The following CMYA5 variants were observed in gnomAD, a reference collection of about 807,000 sequenced individuals.
The protein encoded by CMYA5 is cardiomyopathy associated 5.
In CMYA5, 246 loss-of-function variants were observed where a neutral mutation model predicts 318.9. The observed-to-expected ratio is 0.77, with a 90% CI of 0.70 to 0.86. CMYA5 has a LOEUF of 0.86. CMYA5 is among the 40% of genes least tolerant of loss of function. The pLI is 0.00. For synonymous variants in CMYA5, 1,641 were observed against 1,729.5 expected, an observed-to-expected ratio of 0.95 and a Z score of 1.27; for missense variants, 4,589 against 4,678.2, an observed-to-expected ratio of 0.98 and a Z score of 0.56.
At chr5:79,776,245 C>T (rs781344919) in intron 9 of CMYA5, among the ~76,000 whole-genome samples, 1 of 152,104 alleles carries the variant, frequency 6.6e-6, no homozygotes, top group Non-Finnish European at 1.5e-5. Context: ...AAGAGTGAGA[C>T]GCTTACCATC....
At chr5:79,706,682 T>C (rs1021224505) in intron 1 of CMYA5, among the ~76,000 whole-genome samples, 3 of 152,152 alleles carry the variant, frequency 2.0e-5, no homozygotes, top group African/African-American at 4.8e-5. Context: ...ATCTTGGTGA[T>C]GTGAAACCTC....
Position 79,793,572 on chromosome 5 carries a change from G to A in CMYA5, c.11925G>A (p.Gly3975=). The change falls in exon 12 of 13, where the codon GGG becomes GGA. Residue 3975 remains glycine, a synonymous_variant. Coordinates refer to ENST00000446378, the MANE Select transcript of CMYA5 (RefSeq NM_153610.5). ...SAVQAGALGQ[G]ETSWYMHCSE... ...TGCAGGCAGGTGCCCTAGGACAAGG[G>A]GAGACCTCATGGTACATGCACTGCT... 1 of 1,613,662 alleles carries A rather than the reference G, an allele frequency of 6.2e-7. No individual in the cohort carries two copies. The highest frequency in any genetic ancestry group is 1.1e-5 in the South Asian group (1 of 91,054).
In CMYA5 at chr5:79,713,277, TCCCCACCCCGCTGCACCCCGC is replaced by T. The variant is rs1276692405; in HGVS notation, c.150-15628_150-15608del. ...TAAACATTCTCAGCACACAGGACAGTCCCCACCCCGCTGCACCCCGCCCCCACCCCCCACCCGCCGTCACAA... is the reference window on the plus strand; with the variant it reads ...TAAACATTCTCAGCACACAGGACAGTCCCCACCCCCCACCCGCCGTCACAA... On this transcript the variant is annotated intron_variant, in intron 1 of 12. Coordinates refer to ENST00000446378, the MANE Select transcript of CMYA5 (RefSeq NM_153610.5). 6.2e-4 allele frequency among the ~76,000 whole-genome samples: 84 copies of T among 135,164 alleles called. 2 individuals carry two copies. The South Asian group carries it at 0.012, about 20-fold the overall frequency. The allele number at this position is 135,164 out of a possible 152,430, so 88.7% of individuals were successfully genotyped here.
chr5:79,751,322 T>C (rs1414741132), intron 5 of CMYA5, among the ~76,000 whole-genome samples: 1 of 152,214 alleles, frequency 6.6e-6, no homozygotes, highest in East Asian at 1.9e-4. Context: ...TCGAATGTGC[T>C]GTACTTGGCC....
At chr5:79,743,020 G>A (rs1459255514) in intron 2 of CMYA5, among the ~76,000 whole-genome samples, 4 of 152,104 alleles carry the variant, frequency 2.6e-5, no homozygotes, top group Admixed American at 6.5e-5. Context: ...GTGCAATGAC[G>A]AAGCCTGTGT....
At position 79,799,480 on chromosome 5, in the gene CMYA5, C is replaced by G. The variant is rs1294265046; in HGVS notation, c.12074C>G (p.Ala4025Gly). 1.2e-6 allele frequency: 2 copies of G among 1,613,908 alleles called. No homozygotes were observed. The highest frequency in any genetic ancestry group is 1.7e-6 in the Non-Finnish European group (2 of 1,179,912). ...YNNQRLIFIN[A>G]ESEQLLFIIR... is the part of the protein sequence containing the mutation. ...AACCAGAGACTTATCTTCATCAACG[C>G]AGAGAGCGAGCAGTTGCTCTTCATC... Residue 4025 changes from alanine (A) to glycine (G), a missense_variant, in exon 13 of 13, where the codon GCA becomes GGA. This residue lies in a region of CMYA5 where 2,431 missense variants were observed against 2,495.1 expected (regional missense o/e 0.97). Coordinates refer to ENST00000446378, the MANE Select transcript of CMYA5 (RefSeq NM_153610.5).
rs758387226 is a variant in CMYA5, at chr5:79,735,292, C to A, written c.6527C>A (p.Ser2176Ter). 3.1e-6 allele frequency: 5 copies of A among 1,613,840 alleles called. No individual in the cohort carries two copies. In the South Asian group the frequency reaches 4.4e-5, roughly 14 times the overall value. Reference protein sequence around the residue: ...LPEEKGKKGISSFKSWMSSLF... With the variant: ...LPEEKGKKGI ...GAGGAAAAGGGAAAGAAAGGAATTT[C>A]ATCTTTCAAATCGTGGATGTCCAGC... Residue 2176 changes from serine to a stop codon, truncating the protein, a stop_gained, in exon 2 of 13, where the codon TCA becomes TAA. Coordinates refer to ENST00000446378, the MANE Select transcript of CMYA5 (RefSeq NM_153610.5). LOFTEE classifies it high-confidence loss of function.
chr5:79,789,380 A>C (rs1829137151), intron 10 of CMYA5, among the ~76,000 whole-genome samples: 1 of 151,936 alleles, frequency 6.6e-6, no homozygotes. Context: ...GATTTAATTG[A>C]TCTGGAGATG....
chr5:79,697,776 A>G (rs1338164459), intron 1 of CMYA5, among the ~76,000 whole-genome samples: 5 of 152,094 alleles, frequency 3.3e-5, no homozygotes, highest in Admixed American at 3.3e-4. Context: ...TATTTCTTTT[A>G]TATTTGAGTA....
intron 5 of CMYA5, among the ~76,000 whole-genome samples, chr5:79,751,669 C>T (rs1021518657): frequency 7.2e-5 from 11 of 152,188 alleles, no homozygotes; most frequent in Non-Finnish European, 1.3e-4. Flanking sequence ...TAAATGCCCA[C>T]CATGTGCCAA....
intron 1 of CMYA5, among the ~76,000 whole-genome samples, chr5:79,707,496 G>C (rs1827296387): frequency 6.6e-6 from 1 of 152,112 alleles, no homozygotes; most frequent in African/African-American, 2.4e-5. Flanking sequence ...CTTTCCAGAG[G>C]TAATCATTAT....
chr5:79,758,619 A>G (rs1828580171), intron 6 of CMYA5, 134 bp from the exon 7 acceptor site: 4 of 486,392 alleles, frequency 8.2e-6, no homozygotes, highest in Non-Finnish European at 1.0e-5. Context: ...GGTTTGGGGG[A>G]ACAAGAGAGC....
At chr5:79,705,132 C>T (rs766529887) in intron 1 of CMYA5, among the ~76,000 whole-genome samples, 6 of 152,102 alleles carry the variant, frequency 3.9e-5, no homozygotes, top group East Asian at 1.9e-4. Flanking sequence ...ATTAACCAGG[C>T]GTGGTGGCGC....
chr5:79,778,811 C>CTGTGTGTGTGTGTGTGTGTGTGTA (rs1828993232), intron 9 of CMYA5, among the ~76,000 whole-genome samples: 26 of 85,014 alleles, frequency 3.1e-4, no homozygotes, highest in African/African-American at 1.4e-3. Flanking sequence ...CTCTCTCTTT[C>CTGTGTGTGTGTGTGTGTGTGTGTA]TGTGTGTGTG....
At chr5:79,787,575 T>C (rs1365223356) in intron 9 of CMYA5, among the ~76,000 whole-genome samples, 2 of 152,188 alleles carry the variant, frequency 1.3e-5, no homozygotes, top group African/African-American at 4.8e-5. Context: ...TCTGAGTGTA[T>C]CTAAGGACAG....
chr5:79,697,055 A>G (rs1473673010), intron 1 of CMYA5, among the ~76,000 whole-genome samples: 4 of 152,230 alleles, frequency 2.6e-5, no homozygotes, highest in Non-Finnish European at 4.4e-5. Context: ...TATTCATTCA[A>G]AAGATATTTA....
chr5:79,719,537 A>G (rs909656544), intron 1 of CMYA5, among the ~76,000 whole-genome samples: 1 of 152,246 alleles, frequency 6.6e-6, no homozygotes, highest in Non-Finnish European at 1.5e-5. Context: ...CTCACAAAAA[A>G]CACATTTAGA....
At chr5:79,751,664 G>A (rs1344888916) in intron 5 of CMYA5, among the ~76,000 whole-genome samples, 2 of 152,040 alleles carry the variant, frequency 1.3e-5, no homozygotes, top group African/African-American at 4.8e-5. Flanking sequence ...TTTATTAAAT[G>A]CCCACCATGT....
intron 1 of CMYA5, among the ~76,000 whole-genome samples, chr5:79,715,833 T>C (rs1208490891): frequency 6.6e-6 from 1 of 152,226 alleles, no homozygotes; most frequent in African/African-American, 2.4e-5. Flanking sequence ...TTGCAGTAGA[T>C]ATAATATGAC....
Sources: allele counts gnomAD v4.1 joint callset (sites outside exome capture counted in the v4.1 genomes callset), GRCh38; gene constraint gnomAD v4.1.1; regional missense constraint gnomAD v4.1.1; transcripts MANE v1.5; gene names NCBI Gene and HGNC (gene_info 2026-07-23, HGNC 2026-07-21).